The following CENPK variants were observed in gnomAD, a reference collection of about 807,000 sequenced individuals.
CENPK encodes SoxLZ/Sox6-binding protein Solt.
A neutral mutation model predicts 40.9 loss-of-function variants in CENPK; 46 were observed. That is an observed-to-expected ratio of 1.13 (90% CI 0.89 to 1.44). The LOEUF (loss-of-function observed/expected upper bound fraction) is 1.44, where lower values mean the gene tolerates loss of function less well. CENPK is among the 40% of genes most tolerant of loss of function. The pLI is 0.00. For synonymous variants in CENPK, 107 were observed against 104.4 expected (o/e 1.02, Z -0.15); for missense variants, 288 against 303.5 (o/e 0.95, Z 0.38).
At chr5:65,546,573 A>G (rs1435670223) in intron 5 of CENPK, among the ~76,000 whole-genome samples, 1 of 152,212 alleles carries the variant, frequency 6.6e-6, no homozygotes, top group Non-Finnish European at 1.5e-5. Flanking sequence ...CCAAATTCCT[A>G]TGTTGAAATC....
At chr5:65,514,617 TACAAAATTGGCATCACTTG>T (rs1311274335), downstream of CENPK, among the ~76,000 whole-genome samples, 1 of 152,186 alleles carries the variant, frequency 6.6e-6, no homozygotes, top group Non-Finnish European at 1.5e-5. Context: ...GAACAGACTG[TACAAAATTGGCATCACTTG>T]ACAAAATTGG....
chr5:65,533,919 A>G (rs1580968694), intron 6 of CENPK, among the ~76,000 whole-genome samples: 1 of 151,692 alleles, frequency 6.6e-6, no homozygotes, highest in Admixed American at 6.6e-5. Flanking sequence ...CTAGTGGCGG[A>G]TGCCTGTAGT....
At chr5:65,507,047 T>C in the CENPK span, among the ~76,000 whole-genome samples, 4 of 152,206 alleles carry the variant, frequency 2.6e-5, no homozygotes. Context: ...ATCTCTAGAA[T>C]AAATTAATTC....
intron 5 of CENPK, among the ~76,000 whole-genome samples, chr5:65,547,556 T>C (rs145656488): frequency 5.7e-4 from 87 of 152,162 alleles, no homozygotes; most frequent in South Asian, 2.3e-3. Flanking sequence ...GTAACAACGA[T>C]GTGGAAAAAT....
At chr5:65,496,239 T>C in the CENPK span, among the ~76,000 whole-genome samples, 1 of 147,560 alleles carries the variant, frequency 6.8e-6, no homozygotes, top group African/African-American at 2.5e-5. Context: ...GCCTGGGCTA[T>C]AGAGACCTTG....
chr5:65,558,642 G>T lies in CENPK; in HGVS notation c.-40+2821C>A, dbSNP rs189716314. Among the ~76,000 whole-genome samples the T allele has an allele frequency of 3.2e-3, 491 of 152,322 alleles. 11 individuals carry two copies. The highest frequency in any genetic ancestry group is 0.03 in the Admixed American group (460 of 15,300). On this transcript the variant is annotated intron_variant, in intron 2 of 10. Coordinates refer to ENST00000396679, the MANE Select transcript of CENPK (RefSeq NM_022145.5). ...GATAAAGTTACAGGATTATTCAGTAGTAGCATTACAGGCTCACCTGAGATT... is the reference window on the plus strand; with the variant it reads ...GATAAAGTTACAGGATTATTCAGTATTAGCATTACAGGCTCACCTGAGATT...
At chr5:65,555,923 A>G (rs1175751739) in intron 2 of CENPK, among the ~76,000 whole-genome samples, 3 of 152,296 alleles carry the variant, frequency 2.0e-5, no homozygotes, top group African/African-American at 7.2e-5. Context: ...TTGAAAGCAA[A>G]GTTTTGAGCT....
downstream of CENPK, among the ~76,000 whole-genome samples, chr5:65,514,508 G>A (rs995419008): frequency 4.0e-5 from 6 of 151,694 alleles, no homozygotes; most frequent in Non-Finnish European, 5.9e-5. Context: ...CTCGTGATCC[G>A]CCCACCTCAG....
intron 6 of CENPK, among the ~76,000 whole-genome samples, chr5:65,537,071 A>G (rs540807403): frequency 6.6e-6 from 1 of 152,296 alleles, no homozygotes; most frequent in African/African-American, 2.4e-5. Flanking sequence ...CCCTCACCAA[A>G]AACAGCACCA....
chr5:65,522,964 A>G (rs1744048204), intron 9 of CENPK, among the ~76,000 whole-genome samples: 1 of 152,160 alleles, frequency 6.6e-6, no homozygotes, highest in African/African-American at 2.4e-5. Flanking sequence ...TTCCTTGTGG[A>G]CTTCTGAGAA....
At chr5:65,529,989 G>A (rs1370107807) in intron 6 of CENPK, among the ~76,000 whole-genome samples, 1 of 151,044 alleles carries the variant, frequency 6.6e-6, no homozygotes, top group Non-Finnish European at 1.5e-5. Context: ...ATTTTTAGTA[G>A]AGACGGGGTT....
At chr5:65,508,089 G>A in the CENPK span, among the ~76,000 whole-genome samples, 286 of 152,288 alleles carry the variant, frequency 1.9e-3, 1 homozygote, top group African/African-American at 6.5e-3. Flanking sequence ...CCTTGACCAC[G>A]TGATTAAGGT....
the CENPK span, among the ~76,000 whole-genome samples, chr5:65,497,679 AGTCT>A: frequency 6.6e-6 from 1 of 152,182 alleles, no homozygotes; most frequent in Non-Finnish European, 1.5e-5. Context: ...GGGTTTTAGA[AGTCT>A]GTCTACTGTA....
chr5:65,507,529 T>C, the CENPK span, among the ~76,000 whole-genome samples: 5 of 152,348 alleles, frequency 3.3e-5, no homozygotes, highest in Admixed American at 2.6e-4. Flanking sequence ...AAAAGTGTTA[T>C]GTTTAAGGCT....
At chr5:65,545,324 G>GCACACACA (rs869192025) in intron 5 of CENPK, among the ~76,000 whole-genome samples, 10 of 64,372 alleles carry the variant, frequency 1.6e-4, no homozygotes, top group East Asian at 1.3e-3. Flanking sequence ...CTCAAAGCGC[G>GCACACACA]CACACACACA....
At position 65,549,846 on chromosome 5, in the gene CENPK, A is replaced by T. The variant is rs564610669; in HGVS notation, c.241+1718T>A. 4.6e-5 allele frequency among the ~76,000 whole-genome samples: 7 copies of T among 152,298 alleles called. No homozygotes were observed. In the East Asian group the frequency reaches 5.8e-4, roughly 13 times the overall value. On this transcript the variant is annotated intron_variant, in intron 5 of 10. Coordinates refer to ENST00000396679, the MANE Select transcript of CENPK (RefSeq NM_022145.5). The stretch of plus-strand genomic sequence containing the variant: ...GTAAAACTTTCTCTATAACAGCAAT[A>T]AGGCTATTCTGTTTTCTCATAATTT...
At chr5:65,517,636 A>G (rs1407635818), downstream of CENPK, 1 of 152,174 alleles carries the variant, frequency 6.6e-6, no homozygotes, top group African/African-American at 2.4e-5. Flanking sequence ...TTAGAAAACT[A>G]ATGATACTAA....
chr5:65,524,525 A>C (rs1744332987), intron 9 of CENPK: 1 of 151,898 alleles, frequency 6.6e-6, no homozygotes. Flanking sequence ...CACACAAAAA[A>C]ACAAATTAAC....
At chr5:65,547,390 CAA>C (rs70983677) in intron 5 of CENPK, among the ~76,000 whole-genome samples, 9 of 109,246 alleles carry the variant, frequency 8.2e-5, no homozygotes, top group Admixed American at 9.1e-5. Context: ...AAGACTGTCT[CAA>C]AAAAAAAAAA....
Sources: gnomAD v4.1 joint callset for allele counts (sites outside exome capture counted in the v4.1 genomes callset) on GRCh38, gnomAD v4.1.1 for gene constraint, MANE v1.5 for transcripts, NCBI Gene and HGNC (gene_info 2026-07-23, HGNC 2026-07-21) for gene names.